The following CUL9 variants were observed in gnomAD, a reference collection of about 807,000 sequenced individuals.
CUL9 encodes cullin 9.
A neutral mutation model predicts 272.6 loss-of-function variants in CUL9; 79 were observed. That is an observed-to-expected ratio of 0.29 (90% CI 0.24 to 0.35). The LOEUF (loss-of-function observed/expected upper bound fraction) is 0.35, where lower values mean the gene tolerates loss of function less well. Ranked by LOEUF, CUL9 falls within the 10% of genes least tolerant of loss-of-function variation. CUL9 has a pLI of 1.00. For missense variants in CUL9, 2,532 were observed against 3,255.6 expected, an observed-to-expected ratio of 0.78 and a Z score of 5.41; for synonymous variants, 1,186 against 1,286.5, an observed-to-expected ratio of 0.92 and a Z score of 1.67.
In CUL9 at chr6:43,203,549, G is replaced by C; in HGVS notation, c.3982G>C (p.Asp1328His). The change falls in exon 19 of 41, where the codon GAC becomes CAC. Residue 1328 changes from aspartate (D) to histidine (H), a missense_variant. By Grantham distance (81) the Asp-to-His change is moderately conservative. Around this residue, in one of 3 missense-constraint regions of CUL9, gnomAD observed 2,218 missense variants for 2,788.6 expected, o/e 0.80. Coordinates refer to ENST00000252050, the MANE Select transcript of CUL9 (RefSeq NM_015089.4). The surrounding 1 kb of genome is among the most constrained non-coding windows in gnomAD (Gnocchi z 5.0). ...AATTCGGGCACAAGCCTGGAGCCGG[G>C]ACATAGCAGAGGACCACCGGCGCCT... Reference protein sequence around the residue: ...YTIRAQAWSRDIAEDHRRLLQ... With the variant: ...YTIRAQAWSRHIAEDHRRLLQ... 2 of 1,613,840 alleles carry C rather than the reference G, an allele frequency of 1.2e-6. No individual in the cohort carries two copies. The highest frequency in any genetic ancestry group is 1.1e-5 in the South Asian group (1 of 91,052).
In CUL9 at chr6:43,206,928, T is replaced by A. The variant is rs1013940225; in HGVS notation, c.5212+418T>A. Among the ~76,000 whole-genome samples, 1 of 152,148 alleles carries A rather than the reference T, an allele frequency of 6.6e-6. No individual in the cohort carries two copies. The highest frequency in any genetic ancestry group is 2.1e-4 in the South Asian group (1 of 4,830). On this transcript the variant is annotated intron_variant, in intron 26 of 40. Transcript: ENST00000252050. The surrounding 1 kb of genome is among the most constrained non-coding windows in gnomAD (Gnocchi z 4.8). ...GGTGTAATCTCTGCTCACTGCAGCC[T>A]CTACCTCCCGGGTTCAAGCGATTCT...
intron 21 of CUL9, 56 bp from the exon 22 acceptor site, chr6:43,204,692 G>A (rs16896344): frequency 0.1 from 164,455 of 1,599,304 alleles, 8,947 homozygotes; most frequent in African/African-American, 0.16. Flanking sequence ...CCCAAGACCG[G>A]TGTACTCACC....
intron 11 of CUL9, 37 bp downstream of exon 11, chr6:43,196,899 C>T: frequency 6.5e-7 from 1 of 1,547,968 alleles, no homozygotes; most frequent in East Asian, 2.2e-5. Context: ...AGAGGAATCA[C>T]ACAGTGCCAG....
Position 43,203,639 on chromosome 6 carries a change from G to A in CUL9, c.4025+47G>A, listed in dbSNP as rs201091590. The A allele has an allele frequency of 1.3e-6, 2 of 1,587,206 alleles. No homozygotes were observed. The highest frequency in any genetic ancestry group is 1.7e-6 in the Non-Finnish European group (2 of 1,165,230). ...AAGATGGGTAAGGGAACAGGACACTGTGAGAAGTAGGAGGGATGCTCCTGT... is the reference window on the plus strand; with the variant it reads ...AAGATGGGTAAGGGAACAGGACACTATGAGAAGTAGGAGGGATGCTCCTGT... On this transcript the variant is annotated intron_variant, in intron 19 of 40. Transcript: ENST00000252050. The surrounding 1 kb of genome is among the most constrained non-coding windows in gnomAD (Gnocchi z 5.0).
intron 26 of CUL9, among the ~76,000 whole-genome samples, chr6:43,209,809 C>A (rs1365715280): frequency 6.6e-6 from 1 of 151,774 alleles, no homozygotes; most frequent in African/African-American, 2.4e-5. Context: ...CCACACCTGG[C>A]TAATTTTTTT....
Position 43,187,289 on chromosome 6 carries a change from T to G in CUL9, c.1431T>G (p.Pro477=). Reference sequence around the variant, plus strand: ...GGAATCCTATGGATGGGCTGTACCCTTTGCCGTACCTCCAGCCCGAACCTC... The same window carrying G: ...GGAATCCTATGGATGGGCTGTACCCGTTGCCGTACCTCCAGCCCGAACCTC... ...WDWNPMDGLY[P]LPYLQPEPQK... The change falls in exon 6 of 41, where the codon CCT becomes CCG. Residue 477 remains proline (P), a synonymous_variant. Coordinates refer to ENST00000252050, the MANE Select transcript of CUL9 (RefSeq NM_015089.4). 2 of 1,614,018 alleles carry G rather than the reference T, an allele frequency of 1.2e-6. No individual in the cohort carries two copies. The highest frequency in any genetic ancestry group is 1.7e-6 in the Non-Finnish European group (2 of 1,179,976).
At position 43,184,499 on chromosome 6, in the gene CUL9, C is replaced by T. The variant is rs1169984671; in HGVS notation, c.189C>T (p.Ile63=). The change falls in exon 2 of 41, where the codon ATC becomes ATT. Residue 63 remains isoleucine, a synonymous_variant. Coordinates refer to ENST00000252050, the MANE Select transcript of CUL9 (RefSeq NM_015089.4). This position sits in a 1 kb window ranked among gnomAD's most constrained non-coding sequence, Gnocchi z 4.8. ...TGGAAGAAGGCAAAGCAGAGCACAT[C>T]CTCATGTGGCTGTCGGCTCCTGAGG... ...VGVEEGKAEH[I]LMWLSAPEVY... 15 of 1,612,800 alleles carry T rather than the reference C, an allele frequency of 9.3e-6. No homozygotes were observed. Among genetic ancestry groups the T allele is most frequent in the Non-Finnish European group, 1.2e-5 (14 of 1,179,102 alleles).
chr6:43,220,494 G>T lies in CUL9; in HGVS notation c.6318G>T (p.Glu2106Asp), dbSNP rs1562062304. 6.2e-7 allele frequency: 1 copy of T among 1,614,160 alleles called. No homozygotes were observed. Among genetic ancestry groups the T allele is most frequent in the Non-Finnish European group, 8.5e-7 (1 of 1,180,018 alleles). The change falls in exon 32 of 41, where the codon GAG becomes GAT. Residue 2106 changes from glutamate to aspartate, a missense_variant. Physicochemically the swap from Glu to Asp is conservative, Grantham distance 45 (BLOSUM62 2). Coordinates refer to ENST00000252050, the MANE Select transcript of CUL9 (RefSeq NM_015089.4). The surrounding 1 kb of genome is among the most constrained non-coding windows in gnomAD (Gnocchi z 4.9). ...ATGAGTACCTGACAACTCGGATCGA[G>T]CAGAACCTTGTTTTGAATTGCACCT... ...CWNEYLTTRI[E>D]QNLVLNCTCP...
rs201354259 is a variant in CUL9, at chr6:43,196,062, C to G, written c.2389-7C>G. On this transcript the variant is annotated splice_polypyrimidine_tract_variant and splice_region_variant and intron_variant, in intron 9 of 40. Coordinates refer to ENST00000252050, the MANE Select transcript of CUL9 (RefSeq NM_015089.4). ...CTCCTCACTCTGCTTTCACATCCCC[C>G]TCACAGGCACTGAAGATGCTGGCCG... 1.2e-6 allele frequency: 2 copies of G among 1,608,484 alleles called. No individual in the cohort carries two copies. Among genetic ancestry groups the G allele is most frequent in the African/African-American group, 2.7e-5 (2 of 74,882 alleles).
intron 37 of CUL9, 57 bp from the exon 38 acceptor site, chr6:43,222,722 C>T: frequency 6.2e-7 from 1 of 1,605,986 alleles, no homozygotes; most frequent in Non-Finnish European, 8.5e-7. Context: ...ATCGGACTTG[C>T]CTGGGTGAAG....
chr6:43,220,394 C>T lies in CUL9; in HGVS notation c.6283-65C>T, dbSNP rs1422222342. On this transcript the variant is annotated intron_variant, in intron 31 of 40. Transcript: ENST00000252050. This position sits in a 1 kb window ranked among gnomAD's most constrained non-coding sequence, Gnocchi z 4.9. ...GAAGGAGGGACGCTAGCTTAGTTACCAGGACACTCCCCCTGTGCTGCTCCC... is the reference window on the plus strand; with the variant it reads ...GAAGGAGGGACGCTAGCTTAGTTACTAGGACACTCCCCCTGTGCTGCTCCC... The T allele has an allele frequency of 6.3e-7, 1 of 1,577,952 alleles. No individual in the cohort carries two copies. Among genetic ancestry groups the T allele is most frequent in the African/African-American group, 1.3e-5 (1 of 74,166 alleles).
Position 43,216,307 on chromosome 6 carries a change from C to T in CUL9, c.6086C>T (p.Ala2029Val). 2 of 1,614,122 alleles carry T rather than the reference C, an allele frequency of 1.2e-6. No homozygotes were observed. Among genetic ancestry groups the T allele is most frequent in the Non-Finnish European group, 1.7e-6 (2 of 1,179,996 alleles). ...CCAGATGTCGCTCAGCACCTTTTGGCTCATTCCCACTGGGGCGCTGAACAG... is the reference window on the plus strand; with the variant it reads ...CCAGATGTCGCTCAGCACCTTTTGGTTCATTCCCACTGGGGCGCTGAACAG... ...LEPDVAQHLL[A>V]HSHWGAEQLL... The change falls in exon 31 of 41, where the codon GCT (alanine) becomes GTT (valine). Residue 2029 changes from alanine (A) to valine (V), a missense_variant. By Grantham distance (64) the Ala-to-Val change is moderately conservative. Transcript: ENST00000252050.
intron 20 of CUL9, 50 bp from the exon 21 acceptor site, chr6:43,204,310 C>A: frequency 6.3e-7 from 1 of 1,598,394 alleles, no homozygotes; most frequent in South Asian, 1.1e-5. Flanking sequence ...CCTGAGCTGT[C>A]TGTTCTCCCA....
chr6:43,184,911 A>ACTT lies in CUL9; in HGVS notation c.595+6_595+7insCTT, dbSNP rs768458784. 1.3e-6 allele frequency: 2 copies of ACTT among 1,580,300 alleles called. No homozygotes were observed. Among genetic ancestry groups the ACTT allele is most frequent in the South Asian group, 2.2e-5 (2 of 90,334 alleles). ...TCTGGCAGCCCACGATGCTGGTAAG[A>ACTT]GACAGCCAGGGAAGAAGGAAAGGAA... On this transcript the variant is annotated splice_region_variant and intron_variant, in intron 2 of 40. Coordinates refer to ENST00000252050, the MANE Select transcript of CUL9 (RefSeq NM_015089.4). This position sits in a 1 kb window ranked among gnomAD's most constrained non-coding sequence, Gnocchi z 4.8.
At chr6:43,201,510 C>T (rs375297145) in intron 16 of CUL9, among the ~76,000 whole-genome samples, 10 of 152,248 alleles carry the variant, frequency 6.6e-5, no homozygotes, top group Admixed American at 1.3e-4. Flanking sequence ...GATGGAGTCT[C>T]GCTCTGCCGC....
In CUL9 at chr6:43,188,890, A is replaced by C. The variant is rs182607046; in HGVS notation, c.2180+175A>C. 2 of 565,656 alleles carry C rather than the reference A, an allele frequency of 3.5e-6. 1 individual carries two copies. Among genetic ancestry groups the C allele is most frequent in the South Asian group, 4.7e-5 (2 of 42,792 alleles). 35.0% of individuals were successfully genotyped at this position (565,656 alleles called of 1,614,324 possible). A position where few individuals can be genotyped will look rare whatever the true frequency, so the allele number is the denominator to read the frequency against. On this transcript the variant is annotated intron_variant, in intron 8 of 40. Transcript: ENST00000252050. ...TTTTAATGGCTCGTATTCTTGGAGCACTTCTGTTATGCCAGGCACTGTGCT... is the reference window on the plus strand; with the variant it reads ...TTTTAATGGCTCGTATTCTTGGAGCCCTTCTGTTATGCCAGGCACTGTGCT...
At chr6:43,183,191 G>T (rs1419026670) in intron 1 of CUL9, among the ~76,000 whole-genome samples, 1 of 152,120 alleles carries the variant, frequency 6.6e-6, no homozygotes, top group African/African-American at 2.4e-5. Flanking sequence ...CTTCTCTCCT[G>T]ACCTCATTTC....
intron 21 of CUL9, 92 bp downstream of exon 21, chr6:43,204,631 A>C (rs1306822980): frequency 6.9e-6 from 11 of 1,585,678 alleles, no homozygotes; most frequent in Non-Finnish European, 9.5e-6. Flanking sequence ...CTGCTTTGCT[A>C]CCGGCCTTTC....
In CUL9 at chr6:43,206,452, G is replaced by A. The variant is rs765623791; in HGVS notation, c.5154G>A (p.Lys1718=). Residue 1718 remains lysine (K), a synonymous_variant, in exon 26 of 41, where the codon AAG becomes AAA. Transcript: ENST00000252050. The surrounding 1 kb of genome is among the most constrained non-coding windows in gnomAD (Gnocchi z 4.8). The part of the protein sequence containing the change: ...SPLCYLYHPR[K]CLPTEFCDAL... ...TCTGCTACCTGTACCATCCCAGAAA[G>A]TGCCTTCCCACAGAATTCTGTGATG... The A allele has an allele frequency of 3.7e-6, 6 of 1,614,098 alleles. No homozygotes were observed. In the African/African-American group the frequency reaches 8.0e-5, roughly 22 times the overall value.
Sources: allele counts gnomAD v4.1 joint callset (sites outside exome capture counted in the v4.1 genomes callset), GRCh38; gene constraint gnomAD v4.1.1; regional missense constraint gnomAD v4.1.1; non-coding constraint Gnocchi (gnomAD v3.1); transcripts MANE v1.5; gene names NCBI Gene and HGNC (gene_info 2026-07-23, HGNC 2026-07-21).